SV2C: variants seen among roughly 807,000 people sequenced by gnomAD.
SV2C encodes synaptic vesicle glycoprotein 2C.
A neutral mutation model predicts 79.7 loss-of-function variants in SV2C; 49 were observed. The ratio of observed to expected loss-of-function variants is 0.61; its 90% CI spans 0.49 to 0.78. The LOEUF is 0.78. SV2C is among the 30% of genes least tolerant of loss of function. The probability of loss-of-function intolerance (pLI) is 0.00; values close to 1 mark genes in which losing one functional copy is unlikely to be tolerated. For missense variants in SV2C, 833 were observed against 912.9 expected, an observed-to-expected ratio of 0.91 and a Z score of 1.13; for synonymous variants, 334 against 333.2, an observed-to-expected ratio of 1.00 and a Z score of -0.03.
chr5:75,979,761 C>A, the SV2C span, among the ~76,000 whole-genome samples: 3 of 152,046 alleles, frequency 2.0e-5, no homozygotes, highest in South Asian at 4.2e-4. Flanking sequence ...ACTAAATGTC[C>A]ACATCAAAAA....
intron 2 of SV2C, chr5:76,173,578 T>G (rs1287149701): frequency 1.5e-5 from 23 of 1,547,988 alleles, no homozygotes; most frequent in Non-Finnish European, 2.0e-5. Context: ...CACTGTTGAA[T>G]TGGGCAACAG....
At chr5:76,115,837 A>G (rs374473303) in intron 1 of SV2C, among the ~76,000 whole-genome samples, 146 of 152,302 alleles carry the variant, frequency 9.6e-4, no homozygotes, top group African/African-American at 3.2e-3. Context: ...GTCCTGGGTG[A>G]TATGTCCCAG....
the SV2C span, among the ~76,000 whole-genome samples, chr5:75,973,485 A>G: frequency 6.6e-6 from 1 of 151,400 alleles, no homozygotes; most frequent in Non-Finnish European, 1.5e-5. Context: ...ACAGAGCAAG[A>G]CTGCCTCAAA....
the SV2C span, among the ~76,000 whole-genome samples, chr5:75,879,529 T>C: frequency 6.6e-6 from 1 of 152,218 alleles, no homozygotes; most frequent in Non-Finnish European, 1.5e-5. Context: ...TCTCCATTGA[T>C]TCCATGTTCC....
chr5:76,040,356 A>G, the SV2C span, among the ~76,000 whole-genome samples: 8 of 152,368 alleles, frequency 5.3e-5, no homozygotes, highest in African/African-American at 1.9e-4. Context: ...CAGTTCTTCC[A>G]GTGAAACAGT....
the SV2C span, among the ~76,000 whole-genome samples, chr5:75,995,818 T>A: frequency 6.6e-6 from 1 of 152,104 alleles, no homozygotes; most frequent in Non-Finnish European, 1.5e-5. Context: ...ACAGCAGGAT[T>A]CCTAAATCCT....
the SV2C span, among the ~76,000 whole-genome samples, chr5:75,942,409 A>T: frequency 6.6e-6 from 1 of 152,256 alleles, no homozygotes; most frequent in Admixed American, 6.5e-5. Context: ...TGGTGGGAAG[A>T]CGTGATGGCT....
the SV2C span, among the ~76,000 whole-genome samples, chr5:75,971,714 T>A: frequency 6.6e-6 from 1 of 152,034 alleles, no homozygotes; most frequent in Non-Finnish European, 1.5e-5. Context: ...AGCTCATGGG[T>A]AGGAAGAATC....
In SV2C at chr5:76,349,239, C is replaced by T. The variant is rs564079362; in HGVS notation, c.2001-3891C>T. Among the ~76,000 whole-genome samples, 252 of 151,508 alleles carry T rather than the reference C, an allele frequency of 1.7e-3. 1 individual carries two copies. The highest frequency in any genetic ancestry group is 4.3e-3 in the African/African-American group (177 of 41,324). ...TAAATTTCAGTAATTAGGCCAAGCA[C>T]GGTGGCTCACGCCTGTAATCCCAGC... is the stretch of plus-strand genomic sequence containing the variant. On this transcript the variant is annotated intron_variant, in intron 12 of 12. Coordinates refer to the SV2C transcript ENST00000322285.
chr5:76,237,591 C>A (rs1156508450), intron 4 of SV2C, among the ~76,000 whole-genome samples: 1 of 152,230 alleles, frequency 6.6e-6, no homozygotes, highest in East Asian at 1.9e-4. Context: ...TTGGCAATTT[C>A]TATAGAAAAG....
At chr5:75,852,718 T>G in the SV2C span, among the ~76,000 whole-genome samples, 5 of 149,406 alleles carry the variant, frequency 3.3e-5, no homozygotes, top group African/African-American at 1.2e-4. Flanking sequence ...CCCAGCTACT[T>G]GGGAGGCTGA....
At chr5:76,025,173 G>A in the SV2C span, among the ~76,000 whole-genome samples, 14 of 138,426 alleles carry the variant, frequency 1.0e-4, no homozygotes, top group Non-Finnish European at 9.5e-5. Flanking sequence ...CCTTGAGCAC[G>A]TTTTTTTTTT....
intron 2 of SV2C, among the ~76,000 whole-genome samples, chr5:76,178,367 CAT>C (rs1317786717): frequency 6.6e-6 from 1 of 152,210 alleles, no homozygotes; most frequent in African/African-American, 2.4e-5. Context: ...CATTCTATTA[CAT>C]GTTAGAGTAA....
chr5:76,279,118 G>T (rs1311299915), intron 4 of SV2C, among the ~76,000 whole-genome samples: 1 of 152,186 alleles, frequency 6.6e-6, no homozygotes, highest in African/African-American at 2.4e-5. Flanking sequence ...GGGTCTGACA[G>T]TGCTGAAATA....
the SV2C span, among the ~76,000 whole-genome samples, chr5:76,010,668 G>A: frequency 1.3e-5 from 2 of 152,030 alleles, no homozygotes; most frequent in African/African-American, 4.8e-5. Flanking sequence ...TTAAAATTGG[G>A]TACCGACTTA....
At chr5:76,198,305 G>C (rs1325933388) in intron 3 of SV2C, among the ~76,000 whole-genome samples, 1 of 152,178 alleles carries the variant, frequency 6.6e-6, no homozygotes. Context: ...ATCATGAATA[G>C]ATTAATGTGA....
At chr5:75,935,406 G>C in the SV2C span, among the ~76,000 whole-genome samples, 1 of 152,126 alleles carries the variant, frequency 6.6e-6, no homozygotes, top group Non-Finnish European at 1.5e-5. Context: ...AGCTCTGAAA[G>C]TTGACCCAGT....
the SV2C span, among the ~76,000 whole-genome samples, chr5:75,871,889 TACTTTA>T: frequency 2.7e-5 from 4 of 147,736 alleles, no homozygotes; most frequent in African/African-American, 9.9e-5. Context: ...ATTATTATTA[TACTTTA>T]ACTTTTAGGG....
chr5:76,303,117 C>G (rs1021339845), intron 12 of SV2C, among the ~76,000 whole-genome samples: 39 of 152,192 alleles, frequency 2.6e-4, no homozygotes, highest in African/African-American at 2.4e-5. Flanking sequence ...ATCTAACACT[C>G]AACCCTGGAT....
Sources: gnomAD v4.1 joint callset for allele counts (sites outside exome capture counted in the v4.1 genomes callset) on GRCh38, gnomAD v4.1.1 for gene constraint, MANE v1.5 for transcripts, NCBI Gene and HGNC (gene_info 2026-07-23, HGNC 2026-07-21) for gene names.